Variants in ARHGAP6 observed in about 807,000 individuals in gnomAD.
ARHGAP6 encodes the protein Rho GTPase activating protein 6.
ARHGAP6 carries 16 observed loss-of-function variants against 55.7 expected under a neutral mutation model. The ratio of observed to expected loss-of-function variants is 0.29; its 90% CI spans 0.19 to 0.44. The LOEUF is 0.44. Ranked by LOEUF, ARHGAP6 falls within the 20% of genes least tolerant of loss-of-function variation. The pLI, the probability that ARHGAP6 is intolerant of heterozygous loss-of-function variation, is 1.00. For synonymous variants in ARHGAP6, 382 were observed against 360.9 expected, an observed-to-expected ratio of 1.06 and a Z score of -0.66; for missense variants, 698 against 808.9, an observed-to-expected ratio of 0.86 and a Z score of 1.66.
At chrX:11,258,989 C>T (rs1167028468) in intron 1 of ARHGAP6, among the ~76,000 whole-genome samples, 1 of 111,840 alleles carries the variant, frequency 8.9e-6, no homozygotes, top group Non-Finnish European at 1.9e-5. Flanking sequence ...TACAAACCAT[C>T]CAATTCCACT....
intron 1 of ARHGAP6, among the ~76,000 whole-genome samples, chrX:11,482,363 C>T (rs1291874917): frequency 8.9e-6 from 1 of 112,006 alleles, no homozygotes; most frequent in African/African-American, 3.2e-5. Flanking sequence ...AAAGAGAATC[C>T]AGCAGATTCC....
At chrX:11,270,052 C>T (rs1335198356) in intron 1 of ARHGAP6, among the ~76,000 whole-genome samples, 1 of 111,896 alleles carries the variant, frequency 8.9e-6, no homozygotes, top group African/African-American at 3.2e-5. Context: ...ATACGCTATC[C>T]TCTAGGAGGC....
intron 10 of ARHGAP6, among the ~76,000 whole-genome samples, chrX:11,152,008 T>C (rs187510245): frequency 6.2e-5 from 7 of 112,438 alleles, no homozygotes; most frequent in Non-Finnish European, 1.3e-4. Context: ...AATCTAGTGA[T>C]GGCCACGCCT....
At chrX:11,488,892 G>A (rs957346349) in intron 1 of ARHGAP6, among the ~76,000 whole-genome samples, 4 of 111,606 alleles carry the variant, frequency 3.6e-5, no homozygotes, top group Non-Finnish European at 5.7e-5. Flanking sequence ...GTTGGGGACC[G>A]CTGGTCTACA....
At chrX:11,285,810 T>A (rs1810467771) in intron 1 of ARHGAP6, among the ~76,000 whole-genome samples, 1 of 112,215 alleles carries the variant, frequency 8.9e-6, no homozygotes, top group Non-Finnish European at 1.9e-5. Context: ...AGAAAAGAGG[T>A]CACACTTATA....
chrX:11,315,554 G>A (rs1286274259), intron 1 of ARHGAP6, among the ~76,000 whole-genome samples: 1 of 111,637 alleles, frequency 9.0e-6, no homozygotes, highest in African/African-American at 3.3e-5. Context: ...AATAATTGAC[G>A]GCAGGAAGAG....
chrX:11,290,335 CT>C, intron 1 of ARHGAP6: 1 of 331,471 alleles, frequency 3.0e-6, no homozygotes, highest in Non-Finnish European at 5.9e-6. Context: ...TGTATAAGAG[CT>C]TTTTCTAGGT....
intron 1 of ARHGAP6, among the ~76,000 whole-genome samples, chrX:11,485,299 A>G (rs1167864513): frequency 8.9e-6 from 1 of 111,851 alleles, no homozygotes; most frequent in Non-Finnish European, 1.9e-5. Context: ...AGGATGAATG[A>G]GGATTTATCA....
chrX:11,406,685 G>A (rs953590923), intron 1 of ARHGAP6, among the ~76,000 whole-genome samples: 3 of 111,569 alleles, frequency 2.7e-5, no homozygotes, highest in African/African-American at 9.8e-5. Flanking sequence ...TGCGTAGGGG[G>A]TATTGAAATA....
chrX:11,456,144 C>CA (rs2050192082), intron 1 of ARHGAP6, among the ~76,000 whole-genome samples: 1 of 111,536 alleles, frequency 9.0e-6, no homozygotes, highest in African/African-American at 3.3e-5. Flanking sequence ...ATATACCATA[C>CA]AAAATCAAAA....
At chrX:11,473,633 G>C (rs1171589935) in intron 1 of ARHGAP6, among the ~76,000 whole-genome samples, 1 of 111,552 alleles carries the variant, frequency 9.0e-6, no homozygotes, top group East Asian at 2.8e-4. Context: ...ATCTCCCCTA[G>C]CACCTTCACA....
chrX:11,409,007 T>G (rs973070035), intron 1 of ARHGAP6, among the ~76,000 whole-genome samples: 3 of 110,429 alleles, frequency 2.7e-5, no homozygotes, highest in Non-Finnish European at 5.7e-5. Flanking sequence ...ATCCTTACTC[T>G]GTGGCCTGTA....
intron 6 of ARHGAP6, among the ~76,000 whole-genome samples, chrX:11,179,828 G>A (rs1469501673): frequency 9.4e-6 from 1 of 106,772 alleles, no homozygotes; most frequent in East Asian, 2.9e-4. Context: ...TGTTAATGAT[G>A]TATGCAGAAG....
At chrX:11,293,714 A>G (rs1459446994) in intron 1 of ARHGAP6, among the ~76,000 whole-genome samples, 1 of 111,959 alleles carries the variant, frequency 8.9e-6, no homozygotes, top group Non-Finnish European at 1.9e-5. Flanking sequence ...TAAAATATTT[A>G]TTTTAATTAA....
intron 1 of ARHGAP6, among the ~76,000 whole-genome samples, chrX:11,343,796 C>G (rs886202877): frequency 4.5e-5 from 5 of 111,788 alleles, no homozygotes; most frequent in African/African-American, 1.6e-4. Flanking sequence ...ATAATACATA[C>G]AGAGCAATTT....
intron 1 of ARHGAP6, among the ~76,000 whole-genome samples, chrX:11,613,272 G>C (rs1403538673): frequency 8.9e-6 from 1 of 112,436 alleles, no homozygotes; most frequent in Non-Finnish European, 1.9e-5. Context: ...GTGAGGAACA[G>C]GGCTCATTTG....
intron 1 of ARHGAP6, chrX:11,298,420 T>C (rs1324551233): frequency 3.1e-5 from 35 of 1,127,401 alleles, no homozygotes; most frequent in Non-Finnish European, 2.9e-5. Flanking sequence ...GTGTACACAG[T>C]TACAAATTTT....
At chrX:11,294,963 C>A in intron 1 of ARHGAP6, 2 of 802,025 alleles carry the variant, frequency 2.5e-6, no homozygotes, top group Non-Finnish European at 3.8e-6. Context: ...CTTCATATGT[C>A]TCTGGGTTGA....
intron 1 of ARHGAP6, among the ~76,000 whole-genome samples, chrX:11,274,464 T>C (rs1171698710): frequency 8.9e-6 from 1 of 111,753 alleles, no homozygotes; most frequent in Non-Finnish European, 1.9e-5. Flanking sequence ...AAATGTTTTC[T>C]ATCTGATTCT....
Sources: allele counts gnomAD v4.1 joint callset (sites outside exome capture counted in the v4.1 genomes callset), GRCh38; gene constraint gnomAD v4.1.1; transcripts MANE v1.5; gene names NCBI Gene and HGNC (gene_info 2026-07-23, HGNC 2026-07-21).